Variants in C1orf21 observed in about 807,000 individuals in gnomAD.
C1orf21 encodes uncharacterized protein C1orf21.
In C1orf21, 3 loss-of-function variants were observed where a neutral mutation model predicts 18.7. The observed-to-expected ratio is 0.16, with a 90% CI of 0.07 to 0.42. The LOEUF is 0.42. Among genes scored for constraint, C1orf21 ranks in the 10% least tolerant of loss-of-function variants. C1orf21 has a pLI of 0.99. For missense variants in C1orf21, 104 were observed against 143.6 expected, an observed-to-expected ratio of 0.72 and a Z score of 1.41; for synonymous variants, 41 against 46.4, an observed-to-expected ratio of 0.88 and a Z score of 0.47.
chr1:184,414,363 A>G (rs889586285), intron 1 of C1orf21, among the ~76,000 whole-genome samples: 5 of 152,136 alleles, frequency 3.3e-5, no homozygotes, highest in African/African-American at 7.2e-5. Flanking sequence ...TCCTGGGCTC[A>G]AGCATTTCTC....
intron 2 of C1orf21, among the ~76,000 whole-genome samples, chr1:184,483,493 C>T (rs1465740221): frequency 6.6e-6 from 1 of 152,176 alleles, no homozygotes; most frequent in Non-Finnish European, 1.5e-5. Flanking sequence ...ACTTCCTTTT[C>T]TGCGCTTTTT....
intron 4 of C1orf21, among the ~76,000 whole-genome samples, chr1:184,591,761 G>C (rs1478403523): frequency 2.0e-5 from 3 of 151,800 alleles, no homozygotes; most frequent in Non-Finnish European, 4.4e-5. Flanking sequence ...AGCAGAGATG[G>C]CGCCACTGCA....
intron 1 of C1orf21, among the ~76,000 whole-genome samples, chr1:184,473,968 A>G (rs1657533587): frequency 6.6e-6 from 1 of 152,208 alleles, no homozygotes; most frequent in African/African-American, 2.4e-5. Context: ...TAAAATCAAA[A>G]TCTGTTGATT....
At chr1:184,530,251 G>T (rs1040455585) in intron 3 of C1orf21, among the ~76,000 whole-genome samples, 4 of 152,156 alleles carry the variant, frequency 2.6e-5, no homozygotes, top group Admixed American at 2.6e-4. Context: ...CAGTTATTTA[G>T]CTCTGGGCCT....
intron 1 of C1orf21, among the ~76,000 whole-genome samples, chr1:184,400,613 C>A (rs1656137089): frequency 6.6e-6 from 1 of 152,098 alleles, no homozygotes; most frequent in Non-Finnish European, 1.5e-5. Flanking sequence ...TACAGATATA[C>A]CATAATTATT....
rs1295424351 is a variant in C1orf21, at chr1:184,625,557, T to TAC, written c.*6003_*6004dup. On this transcript the variant is annotated 3_prime_UTR_variant, in exon 6 of 6. Coordinates refer to ENST00000235307, the MANE Select transcript of C1orf21 (RefSeq NM_030806.4). ...TAACACACATACACATACACGCGCA[T>TAC]ACATACATATACAGAGAGATACGTG... 1 of 152,502 alleles carries TAC rather than the reference T, an allele frequency of 6.6e-6. No individual in the cohort carries two copies. Among genetic ancestry groups the TAC allele is most frequent in the African/African-American group, 2.4e-5 (1 of 41,424 alleles). The allele number at this position is 152,502 out of a possible 1,614,324, so 9.4% of individuals were successfully genotyped here. A position where few individuals can be genotyped will look rare whatever the true frequency, so the allele number is the denominator to read the frequency against.
intron 1 of C1orf21, among the ~76,000 whole-genome samples, chr1:184,454,179 A>T (rs953547212): frequency 6.6e-6 from 1 of 152,238 alleles, no homozygotes; most frequent in Non-Finnish European, 1.5e-5. Context: ...AAAGGAAAGG[A>T]TAGCAATATT....
chr1:184,488,862 G>C (rs2101955019), intron 2 of C1orf21, among the ~76,000 whole-genome samples: 1 of 152,302 alleles, frequency 6.6e-6, no homozygotes, highest in African/African-American at 2.4e-5. Context: ...CTACTTGGGA[G>C]GCTGAGGCGG....
chr1:184,568,090 A>G (rs756122273), intron 3 of C1orf21, among the ~76,000 whole-genome samples: 20 of 152,144 alleles, frequency 1.3e-4, no homozygotes, highest in Admixed American at 2.0e-4. Context: ...CACCATTTTA[A>G]AACCCTCTCT....
At chr1:184,568,200 C>A (rs374188648) in intron 3 of C1orf21, among the ~76,000 whole-genome samples, 49 of 152,320 alleles carry the variant, frequency 3.2e-4, no homozygotes, top group South Asian at 3.1e-3. Context: ...CATACACACA[C>A]AAAAAATTGT....
At chr1:184,584,617 G>C (rs2101996364) in intron 3 of C1orf21, among the ~76,000 whole-genome samples, 1 of 152,284 alleles carries the variant, frequency 6.6e-6, no homozygotes. Flanking sequence ...ACTTCTATCT[G>C]AATGTTCATA....
At chr1:184,515,970 G>T (rs934866358) in intron 3 of C1orf21, among the ~76,000 whole-genome samples, 1 of 151,980 alleles carries the variant, frequency 6.6e-6, no homozygotes, top group Admixed American at 6.6e-5. Context: ...CTGCCACCAC[G>T]TCCGGCTAAT....
intron 4 of C1orf21, among the ~76,000 whole-genome samples, chr1:184,594,988 T>C (rs1021317666): frequency 1.3e-5 from 2 of 152,220 alleles, no homozygotes; most frequent in African/African-American, 4.8e-5. Context: ...CATTGTATTG[T>C]CATCCCTAGT....
intron 1 of C1orf21, among the ~76,000 whole-genome samples, chr1:184,453,898 A>G (rs940374600): frequency 6.6e-6 from 1 of 152,200 alleles, no homozygotes; most frequent in Admixed American, 6.5e-5. Context: ...AAGAGAGATT[A>G]TATTTACTCT....
intron 1 of C1orf21, among the ~76,000 whole-genome samples, chr1:184,411,238 T>TG (rs1451972874): frequency 7.9e-5 from 12 of 152,092 alleles, no homozygotes; most frequent in African/African-American, 2.9e-4. Flanking sequence ...GCAAGCCCAT[T>TG]GGGGGACATT....
intron 2 of C1orf21, among the ~76,000 whole-genome samples, chr1:184,478,744 C>G (rs1043719282): frequency 2.6e-5 from 4 of 152,134 alleles, no homozygotes; most frequent in Non-Finnish European, 4.4e-5. Context: ...CAATTAGTAC[C>G]AGGCAGATGA....
rs561451256 is a variant in C1orf21 at position 184,400,625 on chromosome 1, A to C, written c.-125+13257A>C. 1.5e-3 allele frequency among the ~76,000 whole-genome samples: 222 copies of C among 152,214 alleles called. 2 individuals carry two copies. The highest frequency in any genetic ancestry group is 5.1e-3 in the African/African-American group (213 of 41,526). On this transcript the variant is annotated intron_variant, in intron 1 of 5. Coordinates refer to ENST00000235307, the MANE Select transcript of C1orf21 (RefSeq NM_030806.4). ...CCGTACAGATATACCATAATTATTC[A>C]TTTGGCTGTATGGTTGTTTCTAATC...
chr1:184,568,375 C>G, intron 3 of C1orf21: 6 of 312,406 alleles, frequency 1.9e-5, no homozygotes, highest in Non-Finnish European at 3.8e-5. Context: ...AACACTAACT[C>G]CTCCTTCCTC....
intron 2 of C1orf21, 108 bp from the exon 3 acceptor site, chr1:184,507,480 C>T (rs1290044381): frequency 2.3e-6 from 2 of 863,854 alleles, no homozygotes; most frequent in South Asian, 1.7e-5. Flanking sequence ...CATATGAAGG[C>T]CACAGGTGAA....
Sources: allele counts gnomAD v4.1 joint callset (sites outside exome capture counted in the v4.1 genomes callset), GRCh38; gene constraint gnomAD v4.1.1; transcripts MANE v1.5; gene names NCBI Gene and HGNC (gene_info 2026-07-23, HGNC 2026-07-21).